The following MSRB3 variants were observed in gnomAD, a reference collection of about 807,000 sequenced individuals.
The protein encoded by MSRB3 is methionine-R-sulfoxide reductase B3.
In MSRB3, 13 loss-of-function variants were observed where a neutral mutation model predicts 21.0. The ratio of observed to expected loss-of-function variants is 0.62; its 90% CI spans 0.40 to 0.98. The LOEUF is 0.98. Among genes scored for constraint, MSRB3 ranks in the 50% least tolerant of loss-of-function variants. MSRB3 has a pLI of 0.00. For synonymous variants in MSRB3, 87 were observed against 88.6 expected (o/e 0.98, Z 0.10); for missense variants, 199 against 230.3 (o/e 0.86, Z 0.88).
intron 4 of MSRB3, among the ~76,000 whole-genome samples, chr12:65,358,336 G>A (rs1877509188): frequency 6.6e-6 from 1 of 151,624 alleles, no homozygotes; most frequent in Non-Finnish European, 1.5e-5. Flanking sequence ...GCCCAGGCTG[G>A]TCTTGAACTC....
intron 4 of MSRB3, among the ~76,000 whole-genome samples, chr12:65,338,892 T>C (rs1189356666): frequency 6.6e-6 from 1 of 151,954 alleles, no homozygotes. Context: ...CTAGGCAACA[T>C]GGTGAAACCC....
At chr12:65,367,218 A>C (rs1462517375) in intron 4 of MSRB3, among the ~76,000 whole-genome samples, 2 of 152,248 alleles carry the variant, frequency 1.3e-5, no homozygotes, top group Admixed American at 6.5e-5. Context: ...TTGATTGTAA[A>C]GCCAGATGAA....
intron 4 of MSRB3, among the ~76,000 whole-genome samples, chr12:65,360,978 T>C (rs1354053405): frequency 6.6e-6 from 1 of 152,152 alleles, no homozygotes; most frequent in Non-Finnish European, 1.5e-5. Context: ...ACTATTCTCT[T>C]ATTTTTTTCC....
chr12:65,443,790 C>A (rs56160102), intron 5 of MSRB3, among the ~76,000 whole-genome samples: 1 of 151,818 alleles, frequency 6.6e-6, no homozygotes, highest in African/African-American at 2.4e-5. Flanking sequence ...CAACCATCAC[C>A]ACCATCCAAC....
chr12:65,416,676 C>A (rs756110591), intron 5 of MSRB3, among the ~76,000 whole-genome samples: 1 of 152,150 alleles, frequency 6.6e-6, no homozygotes, highest in African/African-American at 2.4e-5. Context: ...TGCACTAAGA[C>A]GTTACAATGG....
chr12:65,374,557 A>T (rs1224499797), intron 5 of MSRB3, among the ~76,000 whole-genome samples: 1 of 152,232 alleles, frequency 6.6e-6, no homozygotes, highest in East Asian at 1.9e-4. Context: ...AATTTATTTT[A>T]GATTTAGACA....
chr12:65,412,555 T>C (rs570400131), intron 5 of MSRB3, among the ~76,000 whole-genome samples: 2 of 152,286 alleles, frequency 1.3e-5, no homozygotes, highest in East Asian at 3.9e-4. Context: ...CATTGATCAT[T>C]GTACCCCCTG....
At chr12:65,343,983 A>G (rs1373362497) in intron 4 of MSRB3, among the ~76,000 whole-genome samples, 1 of 152,130 alleles carries the variant, frequency 6.6e-6, no homozygotes, top group East Asian at 1.9e-4. Flanking sequence ...TGTGACTTTG[A>G]ATAAGCTACT....
chr12:65,341,514 G>T (rs1876140383), intron 4 of MSRB3, among the ~76,000 whole-genome samples: 1 of 149,374 alleles, frequency 6.7e-6, no homozygotes, highest in Admixed American at 6.8e-5. Flanking sequence ...AGCACAGCAG[G>T]GAGACTGTAG....
At position 65,374,595 on chromosome 12, in the gene MSRB3, C is replaced by T. The variant is rs10506526; in HGVS notation, c.292+5569C>T. Among the ~76,000 whole-genome samples the T allele has an allele frequency of 4.3e-3, 650 of 152,240 alleles. 3 individuals carry two copies. The highest frequency in any genetic ancestry group is 0.017 in the Middle Eastern group (5 of 294). On this transcript the variant is annotated intron_variant, in intron 5 of 6. Coordinates refer to ENST00000308259, the MANE Select transcript of MSRB3 (RefSeq NM_001031679.3). ...TTCACCTTTCTTTACTGTATTCAAG[C>T]GATATCATGCTGTTTTCCACAGACT...
At position 65,278,876 on chromosome 12, in the gene MSRB3, G is replaced by A; in HGVS notation, c.-52+11G>A. Reference sequence around the variant, plus strand: ...GAAGTGCGCAGTCCGGTAAGTTCGGGCTCCCCTCCCCTCTCCTCCTCGCCT... The same window carrying A: ...GAAGTGCGCAGTCCGGTAAGTTCGGACTCCCCTCCCCTCTCCTCCTCGCCT... On this transcript the variant is annotated intron_variant, in intron 1 of 6. Transcript: ENST00000308259. 1 of 1,553,280 alleles carries A rather than the reference G, an allele frequency of 6.4e-7. No homozygotes were observed. The highest frequency in any genetic ancestry group is 1.4e-5 in the African/African-American group (1 of 73,180).
intron 2 of MSRB3, among the ~76,000 whole-genome samples, chr12:65,315,743 A>G (rs1874257893): frequency 6.6e-6 from 1 of 151,662 alleles, no homozygotes; most frequent in African/African-American, 2.4e-5. Context: ...AATAAGAGAT[A>G]TACTTTTATA....
At chr12:65,305,557 G>A (rs1873603212) in intron 1 of MSRB3, among the ~76,000 whole-genome samples, 1 of 152,106 alleles carries the variant, frequency 6.6e-6, no homozygotes, top group Non-Finnish European at 1.5e-5. Flanking sequence ...AATTACTTAA[G>A]GTCCCTGCCC....
intron 4 of MSRB3, among the ~76,000 whole-genome samples, chr12:65,330,896 G>A (rs1252166965): frequency 1.3e-5 from 2 of 152,104 alleles, no homozygotes; most frequent in Non-Finnish European, 2.9e-5. Flanking sequence ...AAGTGAGAAG[G>A]CTGCCATGAG....
chr12:65,418,561 G>A (rs1167323818), intron 5 of MSRB3, among the ~76,000 whole-genome samples: 2 of 151,696 alleles, frequency 1.3e-5, no homozygotes, highest in African/African-American at 4.8e-5. Flanking sequence ...AAAAATTATT[G>A]CCCAGATCAA....
chr12:65,298,954 T>C (rs1873149184), intron 1 of MSRB3, among the ~76,000 whole-genome samples: 1 of 152,208 alleles, frequency 6.6e-6, no homozygotes, highest in Non-Finnish European at 1.5e-5. Flanking sequence ...TTTCTTTAGA[T>C]AAAATGGCCC....
chr12:65,339,279 G>A lies in MSRB3; in HGVS notation c.263+10676G>A, dbSNP rs137876404. On this transcript the variant is annotated intron_variant, in intron 4 of 6. Transcript: ENST00000308259. Reference sequence around the variant, plus strand: ...TCTGACCTTCCACTAGATGCCAGTAGCATTGTCCCCACTTCTTCTGCACTT... The same window carrying A: ...TCTGACCTTCCACTAGATGCCAGTAACATTGTCCCCACTTCTTCTGCACTT... Among the ~76,000 whole-genome samples the A allele has an allele frequency of 3.4e-3, 522 of 152,242 alleles. 3 individuals are homozygous for A. Among genetic ancestry groups the A allele is most frequent in the African/African-American group, 0.012 (489 of 41,538 alleles).
intron 1 of MSRB3, among the ~76,000 whole-genome samples, chr12:65,299,022 A>G (rs1213419968): frequency 6.6e-6 from 1 of 152,124 alleles, no homozygotes; most frequent in Non-Finnish European, 1.5e-5. Context: ...AAACCTGCAC[A>G]TGGCTCTTGG....
At chr12:65,429,309 G>T (rs1187127613) in intron 5 of MSRB3, among the ~76,000 whole-genome samples, 3 of 152,074 alleles carry the variant, frequency 2.0e-5, no homozygotes. Flanking sequence ...CTACTGAGGA[G>T]GTGATATCTG....
Sources: allele counts gnomAD v4.1 joint callset (sites outside exome capture counted in the v4.1 genomes callset), GRCh38; gene constraint gnomAD v4.1.1; transcripts MANE v1.5; gene names NCBI Gene and HGNC (gene_info 2026-07-23, HGNC 2026-07-21).